The following FLRT2 variants were observed in gnomAD, a reference collection of about 807,000 sequenced individuals.
FLRT2 encodes the protein fibronectin leucine rich transmembrane protein 2.
A neutral mutation model predicts 40.0 loss-of-function variants in FLRT2; 15 were observed. That is an observed-to-expected ratio of 0.38 (90% CI 0.25 to 0.58). The LOEUF (loss-of-function observed/expected upper bound fraction) is 0.58, where lower values mean the gene tolerates loss of function less well. FLRT2 is among the 20% of genes least tolerant of loss of function. FLRT2 has a pLI of 0.71. For missense variants in FLRT2, 726 were observed against 840.0 expected, an observed-to-expected ratio of 0.86 and a Z score of 1.68; for synonymous variants, 380 against 336.8, an observed-to-expected ratio of 1.13 and a Z score of -1.41.
At chr14:85,599,423 T>C (rs967854795) in intron 1 of FLRT2, among the ~76,000 whole-genome samples, 4 of 152,130 alleles carry the variant, frequency 2.6e-5, no homozygotes, top group African/African-American at 9.7e-5. Flanking sequence ...TCCTAATTCT[T>C]AAAGCAACCA....
rs1893946766 is a variant in FLRT2, at chr14:85,634,093, T to C, written c.*10596T>C. On this transcript the variant is annotated 3_prime_UTR_variant, in exon 2 of 2. Coordinates refer to ENST00000330753, the MANE Select transcript of FLRT2 (RefSeq NM_013231.6). ...ATGCATCCTCTTCAGCTGGATCACG[T>C]TGTTTTCTTTCTGTACACTTTGTGG... The C allele has an allele frequency of 6.6e-6, 1 of 152,194 alleles. No individual in the cohort carries two copies. The highest frequency in any genetic ancestry group is 1.5e-5 in the Non-Finnish European group (1 of 68,038). The allele number at this position is 152,194 out of a possible 1,614,324, so 9.4% of individuals were successfully genotyped here.
intron 1 of FLRT2, among the ~76,000 whole-genome samples, chr14:85,603,689 C>A (rs960020584): frequency 6.7e-6 from 1 of 150,294 alleles, no homozygotes; most frequent in South Asian, 2.2e-4. Flanking sequence ...GCCAACATGG[C>A]GAAACCCCAC....
At chr14:85,608,432 C>G (rs1892722333) in intron 1 of FLRT2, among the ~76,000 whole-genome samples, 1 of 151,958 alleles carries the variant, frequency 6.6e-6, no homozygotes, top group African/African-American at 2.4e-5. Flanking sequence ...CTGGGTTTCG[C>G]CATTTTGACC....
intron 1 of FLRT2, among the ~76,000 whole-genome samples, chr14:85,536,451 A>G (rs1204996859): frequency 6.6e-6 from 1 of 152,196 alleles, no homozygotes; most frequent in Non-Finnish European, 1.5e-5. Context: ...GAAGATTCAA[A>G]AAAGGTCAAG....
rs926928842 is a variant in FLRT2 at position 85,636,113 on chromosome 14, C to T, written c.*12616C>T. ...TATTTATGCTTCTCATTAATTAGTT[C>T]TTTGTTATGAAATCTTTAAAAGTTC... On this transcript the variant is annotated 3_prime_UTR_variant, in exon 2 of 2. Coordinates refer to ENST00000330753, the MANE Select transcript of FLRT2 (RefSeq NM_013231.6). 1 of 151,768 alleles carries T rather than the reference C, an allele frequency of 6.6e-6. No individual in the cohort carries two copies. The highest frequency in any genetic ancestry group is 2.4e-5 in the African/African-American group (1 of 41,332). 9.4% of individuals were successfully genotyped at this position (151,768 alleles called of 1,614,324 possible). A position where few individuals can be genotyped will look rare whatever the true frequency, so the allele number is the denominator to read the frequency against.
rs536508393 is a variant in FLRT2 at position 85,611,904 on chromosome 14, G to A, written c.-376-9235G>A. Among the ~76,000 whole-genome samples, 10 of 147,430 alleles carry A rather than the reference G, an allele frequency of 6.8e-5. No homozygotes were observed. The South Asian group carries it at 8.7e-4, about 13-fold the overall frequency. ...GTGAGGGGAGAGAGAGAGAGAGCGC[G>A]CGTGCGCGAAAGCGTGTGTGTGTGT... On this transcript the variant is annotated intron_variant, in intron 1 of 1. Transcript: ENST00000330753.
At position 85,628,476 on chromosome 14, in the gene FLRT2, T is replaced by A. The variant is rs577636105; in HGVS notation, c.*4979T>A. ...TTTAAATGTCAGATTTCTTTAAGAA[T>A]TCTCATAGTACTTTTCTGCCGCAGA... On this transcript the variant is annotated 3_prime_UTR_variant, in exon 2 of 2. Transcript: ENST00000330753. 1.3e-5 allele frequency: 2 copies of A among 152,228 alleles called. No individual in the cohort carries two copies. The highest frequency in any genetic ancestry group is 6.8e-3 in the Middle Eastern group (2 of 294). 9.4% of individuals were successfully genotyped at this position (152,228 alleles called of 1,614,324 possible). A position where few individuals can be genotyped will look rare whatever the true frequency, so the allele number is the denominator to read the frequency against.
Position 85,651,157 on chromosome 14 carries a change from G to A in FLRT2, c.*27660G>A, listed in dbSNP as rs1894423564. The stretch of plus-strand genomic sequence containing the variant: ...CTTTTTTGATTAATCAATTGTTTAG[G>A]ATAATGTCTCAAAACTTTTTTGGTA... On this transcript the variant is annotated 3_prime_UTR_variant, in exon 2 of 2. Coordinates refer to ENST00000330753, the MANE Select transcript of FLRT2 (RefSeq NM_013231.6). 1 of 151,532 alleles carries A rather than the reference G, an allele frequency of 6.6e-6. No homozygotes were observed. Among genetic ancestry groups the A allele is most frequent in the Non-Finnish European group, 1.5e-5 (1 of 67,884 alleles). The allele number at this position is 151,532 out of a possible 1,614,324, so 9.4% of individuals were successfully genotyped here. A position where few individuals can be genotyped will look rare whatever the true frequency, so the allele number is the denominator to read the frequency against.
chr14:85,557,452 G>A (rs1175113720), intron 1 of FLRT2, among the ~76,000 whole-genome samples: 3 of 151,978 alleles, frequency 2.0e-5, no homozygotes, highest in Admixed American at 6.6e-5. Context: ...TATGAATGGG[G>A]CACCTAGATT....
chr14:85,619,664 A>G (rs1030732861), intron 1 of FLRT2, among the ~76,000 whole-genome samples: 3 of 152,112 alleles, frequency 2.0e-5, no homozygotes, highest in African/African-American at 7.2e-5. Context: ...TAGTTCCTCT[A>G]TGCTTTTAGA....
rs1566776213 is a variant in FLRT2, at chr14:85,649,793, G to A, written c.*26296G>A. The A allele has an allele frequency of 6.6e-6, 1 of 152,024 alleles. No homozygotes were observed. The highest frequency in any genetic ancestry group is 1.5e-5 in the Non-Finnish European group (1 of 67,974). The allele number at this position is 152,024 out of a possible 1,614,324, so 9.4% of individuals were successfully genotyped here. ...TGTATCAACAGTTTCAAAGGAGAGA[G>A]AGTGTTTTTGGTAAAGGCAATAAAT... On this transcript the variant is annotated 3_prime_UTR_variant, in exon 2 of 2. Transcript: ENST00000330753.
rs1893384138 is a variant in FLRT2, at chr14:85,621,592, C to A, written c.78C>A (p.Leu26=). 3 of 1,613,984 alleles carry A rather than the reference C, an allele frequency of 1.9e-6. No homozygotes were observed. Among genetic ancestry groups the A allele is most frequent in the South Asian group, 2.2e-5 (2 of 91,074 alleles). ...CTTGGCTTATCATTTCCCTGGGGCT[C>A]TACTCACAGGTGTCCAAACTCCTGG... is the stretch of plus-strand genomic sequence containing the variant. The part of the protein sequence containing the change: ...LKSWLIISLG[L]YSQVSKLLAC... Residue 26 remains leucine (L), a synonymous_variant, in exon 2 of 2, where the codon CTC becomes CTA. Transcript: ENST00000330753.
At chr14:85,535,425 T>A (rs2139799428) in intron 1 of FLRT2, among the ~76,000 whole-genome samples, 1 of 150,568 alleles carries the variant, frequency 6.6e-6, no homozygotes, top group African/African-American at 2.4e-5. Flanking sequence ...ATATATTAGG[T>A]TGTTCAGTGT....
chr14:85,548,787 C>A (rs921142627), intron 1 of FLRT2, among the ~76,000 whole-genome samples: 3 of 152,170 alleles, frequency 2.0e-5, no homozygotes, highest in Admixed American at 1.3e-4. Flanking sequence ...AAGCCTGGAC[C>A]CATGGCCCAA....
In FLRT2 at chr14:85,635,221, C is replaced by T. The variant is rs1463784091; in HGVS notation, c.*11724C>T. 1 of 152,064 alleles carries T rather than the reference C, an allele frequency of 6.6e-6. No individual in the cohort carries two copies. Among genetic ancestry groups the T allele is most frequent in the East Asian group, 1.9e-4 (1 of 5,190 alleles). The allele number at this position is 152,064 out of a possible 1,614,324, so 9.4% of individuals were successfully genotyped here. The stretch of plus-strand genomic sequence containing the variant: ...GTGATATTATTTAATGTCCCTAAGC[C>T]TCAGTTTCCTCATATATGAAATGAG... On this transcript the variant is annotated 3_prime_UTR_variant, in exon 2 of 2. Transcript: ENST00000330753.
Position 85,644,706 on chromosome 14 carries a change from C to T in FLRT2, c.*21209C>T, listed in dbSNP as rs978838386. The T allele has an allele frequency of 1.3e-5, 2 of 152,178 alleles. No individual in the cohort carries two copies. Among genetic ancestry groups the T allele is most frequent in the Non-Finnish European group, 2.9e-5 (2 of 68,040 alleles). The allele number at this position is 152,178 out of a possible 1,614,324, so 9.4% of individuals were successfully genotyped here. ...TAGTTTTAGATGCGCTGCTTCGATA[C>T]TTTGGATTCAATACTTAGTAATCCC... On this transcript the variant is annotated 3_prime_UTR_variant, in exon 2 of 2. Coordinates refer to ENST00000330753, the MANE Select transcript of FLRT2 (RefSeq NM_013231.6).
rs147052833 is a variant in FLRT2, at chr14:85,549,738, G to A, written c.-377+19204G>A. On this transcript the variant is annotated intron_variant, in intron 1 of 1. Coordinates refer to ENST00000330753, the MANE Select transcript of FLRT2 (RefSeq NM_013231.6). ...GTTATCTGCCACACTTCAAGTACTA[G>A]CATGCATTAAAATCCCTATCCCTTT... Among the ~76,000 whole-genome samples, 154 of 151,946 alleles carry A rather than the reference G, an allele frequency of 1.0e-3. 2 individuals are homozygous for A. The highest frequency in any genetic ancestry group is 6.9e-3 in the Middle Eastern group (2 of 290).
rs551218360 is a variant in FLRT2, at chr14:85,572,675, G to T, written c.-377+42141G>T. 2.0e-5 allele frequency among the ~76,000 whole-genome samples: 3 copies of T among 152,276 alleles called. No homozygotes were observed. In the South Asian group the frequency reaches 6.2e-4, roughly 32 times the overall value. On this transcript the variant is annotated intron_variant, in intron 1 of 1. Transcript: ENST00000330753. ...TAGTCCCTGTAAGTATATGGTGACTGGCTGACCCACTGGGTCCACAGAAAC... is the reference window on the plus strand; with the variant it reads ...TAGTCCCTGTAAGTATATGGTGACTTGCTGACCCACTGGGTCCACAGAAAC...
intron 1 of FLRT2, among the ~76,000 whole-genome samples, chr14:85,556,903 A>G (rs957125581): frequency 1.3e-5 from 2 of 152,190 alleles, no homozygotes; most frequent in Admixed American, 6.5e-5. Context: ...ACAGTTCCAC[A>G]TGGCTGGGGA....
Sources: allele counts gnomAD v4.1 joint callset (sites outside exome capture counted in the v4.1 genomes callset), GRCh38; gene constraint gnomAD v4.1.1; transcripts MANE v1.5; gene names NCBI Gene and HGNC (gene_info 2026-07-23, HGNC 2026-07-21).